Variants in YTHDC2 observed in about 807,000 individuals in gnomAD.
The protein encoded by YTHDC2 is YTH N6-methyladenosine RNA binding protein C2, also known as 3'-5' RNA helicase YTHDC2.
In YTHDC2, 45 loss-of-function variants were observed where a neutral mutation model predicts 174.9. The observed-to-expected ratio is 0.26, with a 90% CI of 0.20 to 0.33. The LOEUF (loss-of-function observed/expected upper bound fraction) is 0.33. Among genes scored for constraint, YTHDC2 ranks in the 10% least tolerant of loss-of-function variants. The probability of loss-of-function intolerance (pLI) is 1.00; values close to 1 mark genes in which losing one functional copy is unlikely to be tolerated. For missense variants in YTHDC2, 1,650 were observed against 1,723.7 expected, an observed-to-expected ratio of 0.96 and a Z score of 0.76; for synonymous variants, 657 against 574.5, an observed-to-expected ratio of 1.14 and a Z score of -2.05.
Position 113,553,846 on chromosome 5 carries a change from C to G in YTHDC2, c.2044C>G (p.Arg682Gly), listed in dbSNP as rs1482873515. 1.2e-6 allele frequency: 2 copies of G among 1,601,956 alleles called. No homozygotes were observed. Among genetic ancestry groups the G allele is most frequent in the Admixed American group, 1.7e-5 (1 of 57,400 alleles). Reference protein sequence around the residue: ...KVLKNPPAGVRKIILSTNIAE... With the variant: ...KVLKNPPAGVGKIILSTNIAE... ...ATTAAAAAACCCACCTGCAGGTGTTCGAAAAATAGTAAGCTTCATAAAATC... is the reference window on the plus strand; with the variant it reads ...ATTAAAAAACCCACCTGCAGGTGTTGGAAAAATAGTAAGCTTCATAAAATC... Residue 682 changes from arginine (R) to glycine (G), a missense_variant, in exon 15 of 30, where the codon CGA (arginine) becomes GGA (glycine). Physicochemically the swap from Arg to Gly is moderately radical, Grantham distance 125. Coordinates refer to ENST00000161863, the MANE Select transcript of YTHDC2 (RefSeq NM_022828.5).
At chr5:113,584,514 A>T (rs750667023) in intron 26 of YTHDC2, 35 bp downstream of exon 26, 2 of 1,523,290 alleles carry the variant, frequency 1.3e-6, no homozygotes, top group East Asian at 2.3e-5. Context: ...AGTAAGGAAC[A>T]GATTTGTAGC....
intron 2 of YTHDC2, among the ~76,000 whole-genome samples, chr5:113,516,538 T>A (rs1395046834): frequency 6.6e-6 from 1 of 152,194 alleles, no homozygotes; most frequent in Non-Finnish European, 1.5e-5. Context: ...TTATTCTGTT[T>A]TGTGTACTGT....
intron 7 of YTHDC2, among the ~76,000 whole-genome samples, chr5:113,537,361 C>CTTTTTT: frequency 1.6e-5 from 2 of 124,500 alleles, no homozygotes; most frequent in Non-Finnish European, 3.3e-5. Flanking sequence ...GGCTCTCTCT[C>CTTTTTT]TTTTTTTTTT....
intron 18 of YTHDC2, among the ~76,000 whole-genome samples, chr5:113,561,473 A>T (rs968578869): frequency 5.6e-4 from 78 of 138,490 alleles, no homozygotes; most frequent in Middle Eastern, 3.8e-3. Flanking sequence ...ATCTATCTAT[A>T]TTTTTTTTTT....
At chr5:113,550,009 G>A (rs890916665) in intron 12 of YTHDC2, among the ~76,000 whole-genome samples, 2 of 151,954 alleles carry the variant, frequency 1.3e-5, no homozygotes, top group Admixed American at 1.3e-4. Context: ...CAGGAAAATT[G>A]TAGAAAAAAC....
intron 16 of YTHDC2, among the ~76,000 whole-genome samples, chr5:113,555,316 A>G (rs1351350750): frequency 1.4e-5 from 2 of 142,940 alleles, no homozygotes; most frequent in African/African-American, 4.8e-5. Flanking sequence ...TTTTCTAAAA[A>G]TTTTATAAAC....
intron 2 of YTHDC2, among the ~76,000 whole-genome samples, chr5:113,520,056 C>T (rs1195627079): frequency 6.6e-6 from 1 of 152,086 alleles, no homozygotes; most frequent in African/African-American, 2.4e-5. Context: ...TTCCTTTCCC[C>T]CTAATCCCTG....
At chr5:113,560,873 A>G (rs1776916625) in intron 17 of YTHDC2, among the ~76,000 whole-genome samples, 1 of 152,176 alleles carries the variant, frequency 6.6e-6, no homozygotes, top group Non-Finnish European at 1.5e-5. Context: ...GGTGTCCTTC[A>G]TGAATCTCAC....
At chr5:113,584,773 CTTTTTTTTTT>C (rs34217644) in intron 26 of YTHDC2, among the ~76,000 whole-genome samples, 1 of 95,734 alleles carries the variant, frequency 1.0e-5, no homozygotes, top group Non-Finnish European at 2.0e-5. Flanking sequence ...CTTTCGAATC[CTTTTTTTTTT>C]TTTTTTTTTT....
rs1408078412 is a variant in YTHDC2, at chr5:113,591,091, A to C, written c.3876A>C (p.Ile1292=). The C allele has an allele frequency of 6.2e-7, 1 of 1,613,978 alleles. No individual in the cohort carries two copies. Among genetic ancestry groups the C allele is most frequent in the South Asian group, 1.1e-5 (1 of 91,078 alleles). ...PRPNMPVRYF[I]MKSSNLRNLE... is the part of the protein sequence containing the mutation. Reference sequence around the variant, plus strand: ...CAAACATGCCTGTTCGATACTTCATAATGAAGAGTAGCAATTTGAGAAACC... The same window carrying C: ...CAAACATGCCTGTTCGATACTTCATCATGAAGAGTAGCAATTTGAGAAACC... The change falls in exon 27 of 30, where the codon ATA becomes ATC. Residue 1292 remains isoleucine (I), a synonymous_variant. Transcript: ENST00000161863.
intron 10 of YTHDC2, 132 bp from the exon 11 acceptor site, chr5:113,548,406 CATT>C: frequency 1.3e-6 from 1 of 753,170 alleles, no homozygotes; most frequent in Non-Finnish European, 2.1e-6. Context: ...GTAGTGCTGT[CATT>C]ATGTAGTTAA....
At chr5:113,584,757 C>CT (rs1214128711) in intron 26 of YTHDC2, among the ~76,000 whole-genome samples, 1 of 144,022 alleles carries the variant, frequency 6.9e-6, no homozygotes, top group African/African-American at 2.6e-5. Flanking sequence ...TATTTCTTTC[C>CT]TATTTCTTTC....
chr5:113,555,086 T>G (rs1776508344), intron 16 of YTHDC2, among the ~76,000 whole-genome samples: 1 of 151,946 alleles, frequency 6.6e-6, no homozygotes, highest in South Asian at 2.1e-4. Context: ...CATTAATGAG[T>G]ATTATCACTA....
At chr5:113,569,989 T>C (rs1390958218) in intron 23 of YTHDC2, among the ~76,000 whole-genome samples, 1 of 152,212 alleles carries the variant, frequency 6.6e-6, no homozygotes. Flanking sequence ...TTTCCATTTG[T>C]TTATGTCCTC....
intron 25 of YTHDC2, chr5:113,584,029 CTTTTA>C (rs1465066243): frequency 4.3e-6 from 1 of 232,536 alleles, no homozygotes; most frequent in Admixed American, 5.5e-5. Flanking sequence ...AGATATAATC[CTTTTA>C]TTTTATTTAA....
chr5:113,517,551 G>A (rs990815936), intron 2 of YTHDC2: 7 of 456,054 alleles, frequency 1.5e-5, no homozygotes, highest in South Asian at 6.2e-5. Context: ...TGGGGAATGC[G>A]GAAACATTGA....
rs1455071875 is a variant in YTHDC2 at position 113,526,630 on chromosome 5, A to G, written c.520A>G (p.Ile174Val). Residue 174 changes from isoleucine to valine, a missense_variant, in exon 4 of 30, where the codon ATA becomes GTA. Around this residue, in one of 5 missense-constraint regions of YTHDC2, gnomAD observed 304 missense variants for 341.4 expected, o/e 0.89. Transcript: ENST00000161863. Reference sequence around the variant, plus strand: ...GACAAGTGGGCGACTCAACAATGGCATACCTCAGATTCCAGTGAAAAGAGG... The same window carrying G: ...GACAAGTGGGCGACTCAACAATGGCGTACCTCAGATTCCAGTGAAAAGAGG... ...SKTSGRLNNG[I>V]PQIPVKRGES... The G allele has an allele frequency of 6.3e-7, 1 of 1,596,328 alleles. No homozygotes were observed. Among genetic ancestry groups the G allele is most frequent in the Non-Finnish European group, 8.5e-7 (1 of 1,170,382 alleles).
intron 2 of YTHDC2, among the ~76,000 whole-genome samples, chr5:113,521,599 C>T (rs954377748): frequency 2.6e-5 from 4 of 151,652 alleles, no homozygotes; most frequent in South Asian, 2.1e-4. Context: ...TGCATGGTGG[C>T]GGGCGGCTGT....
rs1309011630 is a variant in YTHDC2 at position 113,545,727 on chromosome 5, CATTTTT to C, written c.1496-2813_1496-2808del. On this transcript the variant is annotated intron_variant, in intron 10 of 29. Coordinates refer to ENST00000161863, the MANE Select transcript of YTHDC2 (RefSeq NM_022828.5). ...GATTTTTTGAAAAATAATTGATCTC[CATTTTT>C]TTTTTTTTTTTTTTTTTTTTTTTTT... 1.2e-4 allele frequency among the ~76,000 whole-genome samples: 10 copies of C among 80,368 alleles called. 1 individual carries two copies. The highest frequency in any genetic ancestry group is 4.1e-4 in the Admixed American group (3 of 7,370). 52.7% of individuals were successfully genotyped at this position (80,368 alleles called of 152,430 possible).
Sources: gnomAD v4.1 joint callset for allele counts (sites outside exome capture counted in the v4.1 genomes callset) on GRCh38, gnomAD v4.1.1 for gene constraint, gnomAD v4.1.1 regional missense constraint, MANE v1.5 for transcripts, NCBI Gene and HGNC (gene_info 2026-07-23, HGNC 2026-07-21) for gene names.